Variants in ROBO2 observed in about 807,000 individuals in gnomAD.
ROBO2 encodes roundabout homolog 2.
Under a neutral mutation model 160.8 loss-of-function variants are expected in ROBO2, and 53 were observed. The observed-to-expected ratio is 0.33, with a 90% confidence interval of 0.26 to 0.41. The LOEUF is 0.41. ROBO2 is among the 10% of genes least tolerant of loss of function. The pLI, the probability that ROBO2 is intolerant of heterozygous loss-of-function variation, is 1.00. For missense variants in ROBO2, 1,577 were observed against 1,722.4 expected (o/e 0.92, Z 1.49); for synonymous variants, 664 against 611.7 (o/e 1.09, Z -1.26).
chr3:76,158,635 T>C (rs1335455244), intron 2 of ROBO2, among the ~76,000 whole-genome samples: 2 of 152,030 alleles, frequency 1.3e-5, no homozygotes, highest in Non-Finnish European at 2.9e-5. Context: ...GGTTGAGAGT[T>C]TGCTGCCAAA....
At chr3:76,213,523 G>A (rs991829483) in intron 2 of ROBO2, among the ~76,000 whole-genome samples, 2 of 151,984 alleles carry the variant, frequency 1.3e-5, no homozygotes, top group South Asian at 2.1e-4. Context: ...ATTCAAAAAG[G>A]TAGTGTATTC....
intron 6 of ROBO2, among the ~76,000 whole-genome samples, chr3:77,534,893 T>C (rs948712292): frequency 6.6e-6 from 1 of 152,182 alleles, no homozygotes; most frequent in African/African-American, 2.4e-5. Context: ...CAAATGTTGG[T>C]GCAGTTAATT....
At chr3:76,444,921 A>G (rs1228631235) in intron 2 of ROBO2, among the ~76,000 whole-genome samples, 1 of 152,152 alleles carries the variant, frequency 6.6e-6, no homozygotes, top group Non-Finnish European at 1.5e-5. Flanking sequence ...TTTCATCAAA[A>G]TTATATGCAG....
chr3:75,997,783 G>A (rs550147443), intron 2 of ROBO2, among the ~76,000 whole-genome samples: 31 of 152,192 alleles, frequency 2.0e-4, no homozygotes, highest in African/African-American at 6.0e-4. Flanking sequence ...GTGAGCCACC[G>A]CGCCCGGCAA....
Position 77,272,000 on chromosome 3 carries a change from C to T in ROBO2, c.388+173660C>T, listed in dbSNP as rs557780421. Among the ~76,000 whole-genome samples the T allele has an allele frequency of 1.7e-4, 26 of 152,240 alleles. No individual in the cohort carries two copies. The East Asian group carries it at 4.7e-3, about 27-fold the overall frequency. ...GAGTGTACAAAGAAGCACTTAATTT[C>T]GAGCTTTTCATTTTGGTTAGTGACA... On this transcript the variant is annotated intron_variant, in intron 2 of 25. Coordinates refer to ENST00000461745, the Ensembl canonical transcript of ROBO2.
intron 2 of ROBO2, among the ~76,000 whole-genome samples, chr3:77,438,539 TACAC>T (rs77955703): frequency 0.016 from 2,372 of 147,242 alleles, 23 homozygotes; most frequent in Non-Finnish European, 0.023. Context: ...GAGAAGGGGA[TACAC>T]ACACACACAC....
intron 2 of ROBO2, among the ~76,000 whole-genome samples, chr3:76,567,586 AC>A (rs2084607545): frequency 1.5e-5 from 2 of 137,776 alleles, no homozygotes; most frequent in African/African-American, 5.2e-5. Flanking sequence ...GAAAATGTTC[AC>A]ATTAGGCTAT....
chr3:76,124,183 A>C (rs1188262287), intron 2 of ROBO2, among the ~76,000 whole-genome samples: 1 of 152,132 alleles, frequency 6.6e-6, no homozygotes, highest in African/African-American at 2.4e-5. Context: ...AAAATTCGAA[A>C]ATATGCGGGA....
chr3:75,987,503 A>G (rs1277150729), intron 2 of ROBO2, among the ~76,000 whole-genome samples: 1 of 151,800 alleles, frequency 6.6e-6, no homozygotes, highest in African/African-American at 2.4e-5. Flanking sequence ...ACAAACAGAG[A>G]TAATTGTACT....
chr3:77,152,970 A>G (rs1416284378), intron 2 of ROBO2, among the ~76,000 whole-genome samples: 2 of 152,148 alleles, frequency 1.3e-5, no homozygotes, highest in Non-Finnish European at 2.9e-5. Context: ...GATCTACTCT[A>G]TCTATGGAAT....
chr3:76,269,557 A>C (rs1021565151), intron 2 of ROBO2, among the ~76,000 whole-genome samples: 2 of 150,564 alleles, frequency 1.3e-5, no homozygotes, highest in African/African-American at 4.9e-5. Flanking sequence ...TTTATAGCAC[A>C]TACACACATT....
chr3:76,741,128 G>A (rs916581872), intron 2 of ROBO2, among the ~76,000 whole-genome samples: 3 of 151,890 alleles, frequency 2.0e-5, no homozygotes, highest in Non-Finnish European at 4.4e-5. Flanking sequence ...GTGGGGACTC[G>A]GTTTATAGGC....
chr3:76,767,780 G>C (rs2061654687), intron 2 of ROBO2, among the ~76,000 whole-genome samples: 1 of 151,444 alleles, frequency 6.6e-6, no homozygotes, highest in Non-Finnish European at 1.5e-5. Context: ...AGATGTTTTA[G>C]CTTCCACTTC....
chr3:76,281,082 T>C (rs772284203), intron 2 of ROBO2, among the ~76,000 whole-genome samples: 2 of 151,942 alleles, frequency 1.3e-5, no homozygotes, highest in Non-Finnish European at 2.9e-5. Context: ...AAGAGGATTT[T>C]CTAGACAAGA....
intron 2 of ROBO2, among the ~76,000 whole-genome samples, chr3:76,634,172 T>G (rs1489658733): frequency 6.6e-6 from 1 of 152,204 alleles, no homozygotes; most frequent in Non-Finnish European, 1.5e-5. Flanking sequence ...GCTTTTCTCC[T>G]TGGCTTGCAG....
chr3:76,222,760 C>G (rs925093326), intron 2 of ROBO2, among the ~76,000 whole-genome samples: 4 of 146,280 alleles, frequency 2.7e-5, no homozygotes, highest in African/African-American at 7.5e-5. Context: ...TTATCCCACA[C>G]TTTTTTTTTT....
intron 1 of ROBO2, among the ~76,000 whole-genome samples, chr3:77,056,820 AATATACAC>A (rs1272944928): frequency 6.6e-6 from 1 of 152,206 alleles, no homozygotes; most frequent in African/African-American, 2.4e-5. Context: ...ATTGACATGT[AATATACAC>A]ATATACACAG....
intron 2 of ROBO2, among the ~76,000 whole-genome samples, chr3:76,648,014 A>G (rs897606502): frequency 1.4e-4 from 22 of 152,082 alleles, no homozygotes; most frequent in African/African-American, 4.6e-4. Flanking sequence ...GAAATATTAA[A>G]ACCCTATCTA....
chr3:76,688,067 TAGG>T (rs1227281503), intron 2 of ROBO2, among the ~76,000 whole-genome samples: 1 of 152,084 alleles, frequency 6.6e-6, no homozygotes, highest in Non-Finnish European at 1.5e-5. Flanking sequence ...AAAGAAATTA[TAGG>T]AGAATCATAT....
Sources: gnomAD v4.1 joint callset for allele counts (sites outside exome capture counted in the v4.1 genomes callset) on GRCh38, gnomAD v4.1.1 for gene constraint, MANE v1.5 for transcripts, NCBI Gene and HGNC (gene_info 2026-07-23, HGNC 2026-07-21) for gene names.